The following HS6ST3 variants were observed in gnomAD, a reference collection of about 807,000 sequenced individuals.
The protein encoded by HS6ST3 is heparan-sulfate 6-O-sulfotransferase 3.
In HS6ST3, 12 loss-of-function variants were observed where a neutral mutation model predicts 36.7. The ratio of observed to expected loss-of-function variants is 0.33; its 90% confidence interval spans 0.21 to 0.53. The LOEUF (loss-of-function observed/expected upper bound fraction) is 0.53, where lower values mean the gene tolerates loss of function less well. Ranked by LOEUF, HS6ST3 falls within the 20% of genes least tolerant of loss-of-function variation. The pLI is 0.95. For synonymous variants in HS6ST3, 240 were observed against 257.5 expected (o/e 0.93, Z 0.65); for missense variants, 584 against 640.9 (o/e 0.91, Z 0.96).
At chr13:96,097,135 A>G (rs1405337055) in intron 1 of HS6ST3, among the ~76,000 whole-genome samples, 1 of 152,160 alleles carries the variant, frequency 6.6e-6, no homozygotes, top group African/African-American at 2.4e-5. Context: ...GAAGTGGTAA[A>G]TGGTAATAGA....
At chr13:96,165,939 A>C (rs2054158056) in intron 1 of HS6ST3, among the ~76,000 whole-genome samples, 1 of 152,170 alleles carries the variant, frequency 6.6e-6, no homozygotes, top group South Asian at 2.1e-4. Context: ...GGCTTTATTT[A>C]AGGCTGTTGC....
chr13:96,332,136 T>C (rs7139408), intron 1 of HS6ST3, among the ~76,000 whole-genome samples: 71,424 of 152,012 alleles, frequency 0.47, 17,125 homozygotes, highest in Middle Eastern at 0.55. Flanking sequence ...AGAAATCACC[T>C]GTCTTCTGTG....
rs1036628405 is a variant in HS6ST3, at chr13:96,837,975, C to T, written c.*4777C>T. 1.3e-5 allele frequency: 2 copies of T among 152,152 alleles called. No individual in the cohort carries two copies. Among genetic ancestry groups the T allele is most frequent in the African/African-American group, 2.4e-5 (1 of 41,432 alleles). 9.4% of individuals were successfully genotyped at this position (152,152 alleles called of 1,614,324 possible). On this transcript the variant is annotated 3_prime_UTR_variant, in exon 2 of 2. Coordinates refer to ENST00000376705, the MANE Select transcript of HS6ST3 (RefSeq NM_153456.4). ...TGTTAAATGAGTCCCTTTGCATACT[C>T]ACTGGAGAGAGGAAATGCTTTAAGT...
intron 1 of HS6ST3, among the ~76,000 whole-genome samples, chr13:96,575,653 C>G (rs576779203): frequency 1.6e-4 from 25 of 152,216 alleles, no homozygotes; most frequent in Non-Finnish European, 3.5e-4. Flanking sequence ...TTCACCCCAC[C>G]AGGGCAAATT....
intron 1 of HS6ST3, among the ~76,000 whole-genome samples, chr13:96,697,455 T>C (rs1875159375): frequency 6.6e-6 from 1 of 152,052 alleles, no homozygotes; most frequent in Non-Finnish European, 1.5e-5. Flanking sequence ...TGCAATAAAC[T>C]TTTTAGAACT....
At chr13:96,434,102 A>C (rs1353607358) in intron 1 of HS6ST3, among the ~76,000 whole-genome samples, 1 of 152,152 alleles carries the variant, frequency 6.6e-6, no homozygotes, top group East Asian at 1.9e-4. Flanking sequence ...CTCAGAAGAA[A>C]TCACCCTGCC....
At chr13:96,487,501 C>T (rs943381220) in intron 1 of HS6ST3, among the ~76,000 whole-genome samples, 5 of 152,056 alleles carry the variant, frequency 3.3e-5, no homozygotes, top group Non-Finnish European at 7.4e-5. Flanking sequence ...ACTTGAATTT[C>T]CACAGGGACT....
At chr13:96,377,736 T>G (rs1212270543) in intron 1 of HS6ST3, among the ~76,000 whole-genome samples, 1 of 152,168 alleles carries the variant, frequency 6.6e-6, no homozygotes, top group East Asian at 1.9e-4. Context: ...ATGTAAGCAT[T>G]GTTGTCAAAA....
At chr13:96,611,407 A>C (rs904652596) in intron 1 of HS6ST3, among the ~76,000 whole-genome samples, 10 of 152,200 alleles carry the variant, frequency 6.6e-5, no homozygotes, top group Non-Finnish European at 1.3e-4. Flanking sequence ...TAATAGAAAC[A>C]AATATTTTAT....
intron 1 of HS6ST3, among the ~76,000 whole-genome samples, chr13:96,727,507 C>A (rs966164284): frequency 1.3e-5 from 2 of 152,112 alleles, no homozygotes; most frequent in Non-Finnish European, 2.9e-5. Context: ...AATCTGTTCT[C>A]TGCTCCAAAG....
chr13:96,165,651 C>A (rs1594700962), intron 1 of HS6ST3, among the ~76,000 whole-genome samples: 1 of 152,140 alleles, frequency 6.6e-6, no homozygotes, highest in East Asian at 1.9e-4. Context: ...GTGGGTGGGT[C>A]ATGTCTGGGA....
At chr13:96,184,295 AT>A (rs1316640541) in intron 1 of HS6ST3, among the ~76,000 whole-genome samples, 1 of 151,598 alleles carries the variant, frequency 6.6e-6, no homozygotes, top group African/African-American at 2.4e-5. Context: ...ATTAAAAAAA[AT>A]TTTTTTAAGT....
chr13:96,462,465 A>AACT (rs751997714), intron 1 of HS6ST3, among the ~76,000 whole-genome samples: 1 of 152,232 alleles, frequency 6.6e-6, no homozygotes, highest in Non-Finnish European at 1.5e-5. Flanking sequence ...GTGTATAATG[A>AACT]AACTTTATTA....
chr13:96,622,937 A>G (rs1251536957), intron 1 of HS6ST3, among the ~76,000 whole-genome samples: 1 of 152,126 alleles, frequency 6.6e-6, no homozygotes, highest in Non-Finnish European at 1.5e-5. Context: ...GCCTGGCTTT[A>G]TAATATCACT....
chr13:96,835,916 T>G lies in HS6ST3; in HGVS notation c.*2718T>G, dbSNP rs1288764696. The G allele has an allele frequency of 6.6e-6, 1 of 152,234 alleles. No individual in the cohort carries two copies. Among genetic ancestry groups the G allele is most frequent in the Non-Finnish European group, 1.5e-5 (1 of 68,052 alleles). 9.4% of individuals were successfully genotyped at this position (152,234 alleles called of 1,614,324 possible). On this transcript the variant is annotated 3_prime_UTR_variant, in exon 2 of 2. Coordinates refer to ENST00000376705, the MANE Select transcript of HS6ST3 (RefSeq NM_153456.4). ...CTTTATGTTGGCCCCAGGCCAGTAC[T>G]AAGCAAATTAAAAAGACCGACATGG...
At chr13:96,284,416 A>G (rs2054790472) in intron 1 of HS6ST3, among the ~76,000 whole-genome samples, 1 of 152,202 alleles carries the variant, frequency 6.6e-6, no homozygotes, top group African/African-American at 2.4e-5. Context: ...AAGCTGAATA[A>G]CTTGGAGTCT....
At chr13:96,158,652 CAAAAAAA>C in intron 1 of HS6ST3, among the ~76,000 whole-genome samples, 2 of 68,898 alleles carry the variant, frequency 2.9e-5, no homozygotes, top group Admixed American at 2.2e-4. Flanking sequence ...GACTCCGTCT[CAAAAAAA>C]AAAAAAAAAA....
At chr13:96,236,215 C>G (rs944483394) in intron 1 of HS6ST3, among the ~76,000 whole-genome samples, 3 of 152,120 alleles carry the variant, frequency 2.0e-5, no homozygotes, top group Non-Finnish European at 4.4e-5. Flanking sequence ...AGGTGCCCAC[C>G]CAGATTAAGG....
chr13:96,807,387 T>C (rs1157104778), intron 1 of HS6ST3, among the ~76,000 whole-genome samples: 1 of 152,076 alleles, frequency 6.6e-6, no homozygotes, highest in East Asian at 1.9e-4. Context: ...TTAGATAAAT[T>C]AAGGTTATAC....
Sources: allele counts gnomAD v4.1 joint callset (sites outside exome capture counted in the v4.1 genomes callset), GRCh38; gene constraint gnomAD v4.1.1; transcripts MANE v1.5; gene names NCBI Gene and HGNC (gene_info 2026-07-23, HGNC 2026-07-21).